The following GALNT18 variants were observed in gnomAD, a reference collection of about 807,000 sequenced individuals.
GALNT18 encodes the protein GalNAc-transferase 18.
In GALNT18, 44 loss-of-function variants were observed where a neutral mutation model predicts 69.5. That is an observed-to-expected ratio of 0.63 (90% confidence interval 0.50 to 0.81). GALNT18 has a LOEUF of 0.81. Ranked by LOEUF, GALNT18 falls within the 40% of genes least tolerant of loss-of-function variation. GALNT18 has a pLI of 0.00. For synonymous variants in GALNT18, 364 were observed against 318.2 expected (o/e 1.14, Z -1.53); for missense variants, 715 against 810.0 (o/e 0.88, Z 1.42).
chr11:11,381,950 G>A (rs187834326), intron 3 of GALNT18, among the ~76,000 whole-genome samples: 2 of 152,264 alleles, frequency 1.3e-5, no homozygotes, highest in Admixed American at 6.5e-5. Flanking sequence ...GTTCTGGTCC[G>A]GTGCTGGGGT....
intron 1 of GALNT18, among the ~76,000 whole-genome samples, chr11:11,594,640 T>G (rs1208435601): frequency 6.6e-6 from 1 of 152,136 alleles, no homozygotes; most frequent in Non-Finnish European, 1.5e-5. Flanking sequence ...TGCCAGTATT[T>G]TGTTCCTTTT....
In GALNT18 at chr11:11,538,685, C is replaced by T. The variant is rs903736746; in HGVS notation, c.235+82674G>A. Among the ~76,000 whole-genome samples the T allele has an allele frequency of 5.9e-5, 9 of 152,158 alleles. No individual in the cohort carries two copies. Among genetic ancestry groups the T allele is most frequent in the Middle Eastern group, 6.3e-3 (2 of 316 alleles). On this transcript the variant is annotated intron_variant, in intron 1 of 10. Coordinates refer to ENST00000227756, the MANE Select transcript of GALNT18 (RefSeq NM_198516.3). The surrounding 1 kb of genome is among the most constrained non-coding windows in gnomAD (Gnocchi z 5.2). ...AGGTGCCTCCCGGAGCTCTGGTTTCCCAGTCAGTAAATGGGGACCTTAACA... is the reference window on the plus strand; with the variant it reads ...AGGTGCCTCCCGGAGCTCTGGTTTCTCAGTCAGTAAATGGGGACCTTAACA...
At position 11,517,690 on chromosome 11, in the gene GALNT18, G is replaced by A. The variant is rs140482954; in HGVS notation, c.236-68754C>T. 5.3e-4 allele frequency among the ~76,000 whole-genome samples: 81 copies of A among 152,026 alleles called. 1 individual carries two copies. In the East Asian group the frequency reaches 9.5e-3, roughly 18 times the overall value. On this transcript the variant is annotated intron_variant, in intron 1 of 10. Transcript: ENST00000227756. ...CGAGACTAGCTACATAGATGAGGCCGCAGAAACAGGGCCCCTGCCACAGTG... is the reference window on the plus strand; with the variant it reads ...CGAGACTAGCTACATAGATGAGGCCACAGAAACAGGGCCCCTGCCACAGTG...
chr11:11,393,228 T>C lies in GALNT18; in HGVS notation c.596-13964A>G, dbSNP rs189973045. ...CCTTTCTTATCAGCCCTGGGGTTAC[T>C]GATGGGACTGGAAGGGATTGGTATT... On this transcript the variant is annotated intron_variant, in intron 3 of 10. Coordinates refer to ENST00000227756, the MANE Select transcript of GALNT18 (RefSeq NM_198516.3). Among the ~76,000 whole-genome samples, 32 of 152,300 alleles carry C rather than the reference T, an allele frequency of 2.1e-4. 1 individual carries two copies. The East Asian group carries it at 5.8e-3, about 28-fold the overall frequency.
At chr11:11,285,890 G>A (rs1849183140) in intron 10 of GALNT18, among the ~76,000 whole-genome samples, 2 of 152,194 alleles carry the variant, frequency 1.3e-5, no homozygotes, top group Non-Finnish European at 2.9e-5. Flanking sequence ...TATCAAATTA[G>A]ACCTCACAAA....
chr11:11,355,259 T>TA (rs1356390290), intron 6 of GALNT18, among the ~76,000 whole-genome samples: 5 of 152,220 alleles, frequency 3.3e-5, no homozygotes, highest in Non-Finnish European at 5.9e-5. Flanking sequence ...GAACAAAATA[T>TA]AAAAAATCCC....
At position 11,405,291 on chromosome 11, in the gene GALNT18, C is replaced by T. The variant is rs538269142; in HGVS notation, c.596-26027G>A. Among the ~76,000 whole-genome samples, 46 of 152,324 alleles carry T rather than the reference C, an allele frequency of 3.0e-4. 2 individuals are homozygous for T. Among genetic ancestry groups the T allele is most frequent in the Admixed American group, 5.2e-4 (8 of 15,302 alleles). On this transcript the variant is annotated intron_variant, in intron 3 of 10. Coordinates refer to ENST00000227756, the MANE Select transcript of GALNT18 (RefSeq NM_198516.3). ...GACTCATGAGAAAACCACGGCATCACTGTTAAAAATCATTTGGTTTTATTC... is the reference window on the plus strand; with the variant it reads ...GACTCATGAGAAAACCACGGCATCATTGTTAAAAATCATTTGGTTTTATTC...
chr11:11,342,353 G>A (rs1850223125), intron 6 of GALNT18, among the ~76,000 whole-genome samples: 1 of 152,200 alleles, frequency 6.6e-6, no homozygotes, highest in South Asian at 2.1e-4. Flanking sequence ...TCTCCTGGTG[G>A]ACAGTAGATA....
intron 6 of GALNT18, among the ~76,000 whole-genome samples, chr11:11,354,208 C>T (rs1310901341): frequency 2.0e-5 from 3 of 152,200 alleles, no homozygotes; most frequent in Non-Finnish European, 1.5e-5. Context: ...AGCAAACTCT[C>T]ATTTAATACA....
chr11:11,385,992 C>T (rs58506236), intron 3 of GALNT18, among the ~76,000 whole-genome samples: 16,853 of 152,000 alleles, frequency 0.11, 1,058 homozygotes, highest in Middle Eastern at 0.26. Flanking sequence ...TATCTCTAAG[C>T]CAAGGCCTGT....
chr11:11,610,424 G>A (rs1859866510), intron 1 of GALNT18, among the ~76,000 whole-genome samples: 1 of 152,164 alleles, frequency 6.6e-6, no homozygotes, highest in Non-Finnish European at 1.5e-5. Flanking sequence ...GTTAAGGTGA[G>A]GTGACAGGTG....
At chr11:11,545,664 G>T (rs191005915) in intron 1 of GALNT18, among the ~76,000 whole-genome samples, 1 of 152,186 alleles carries the variant, frequency 6.6e-6, no homozygotes, top group Non-Finnish European at 1.5e-5. Flanking sequence ...ACTAAAAAGC[G>T]TTTTCCCATC....
rs1007950389 is a variant in GALNT18, at chr11:11,430,540, G to A, written c.595+2081C>T. On this transcript the variant is annotated intron_variant, in intron 3 of 10. Coordinates refer to ENST00000227756, the MANE Select transcript of GALNT18 (RefSeq NM_198516.3). This position sits in a 1 kb window ranked among gnomAD's most constrained non-coding sequence, Gnocchi z 4.9. Reference sequence around the variant, plus strand: ...ACCACAATGCTCTAGAGCTTTGGTTGTGAAAGGTCTAGGGTGCTGCTCGTC... The same window carrying A: ...ACCACAATGCTCTAGAGCTTTGGTTATGAAAGGTCTAGGGTGCTGCTCGTC... Among the ~76,000 whole-genome samples the A allele has an allele frequency of 6.6e-6, 1 of 152,228 alleles. No individual in the cohort carries two copies. Among genetic ancestry groups the A allele is most frequent in the Non-Finnish European group, 1.5e-5 (1 of 68,030 alleles).
At chr11:11,487,885 G>A (rs1388581445) in intron 1 of GALNT18, among the ~76,000 whole-genome samples, 1 of 152,178 alleles carries the variant, frequency 6.6e-6, no homozygotes, top group Non-Finnish European at 1.5e-5. Context: ...AACACTGCCT[G>A]CCCCTAGTGC....
At chr11:11,593,986 C>T (rs1859426307) in intron 1 of GALNT18, among the ~76,000 whole-genome samples, 2 of 152,204 alleles carry the variant, frequency 1.3e-5, no homozygotes, top group Admixed American at 1.3e-4. Flanking sequence ...TTTTCTCTTG[C>T]TTCTCAGCTC....
intron 6 of GALNT18, among the ~76,000 whole-genome samples, chr11:11,369,948 C>T (rs924183934): frequency 6.6e-6 from 1 of 152,136 alleles, no homozygotes; most frequent in Non-Finnish European, 1.5e-5. Flanking sequence ...ACTTTTATCC[C>T]TAGATCACTG....
chr11:11,520,439 C>G (rs1411572649), intron 1 of GALNT18, among the ~76,000 whole-genome samples: 1 of 152,230 alleles, frequency 6.6e-6, no homozygotes, highest in East Asian at 1.9e-4. Context: ...GGGAAGCAGC[C>G]TGCTTCCCAT....
chr11:11,620,332 CG>C lies in GALNT18; in HGVS notation c.235+1026del, dbSNP rs1860160057. Among the ~76,000 whole-genome samples the C allele has an allele frequency of 1.1e-5, 1 of 88,432 alleles. No individual in the cohort carries two copies. The highest frequency in any genetic ancestry group is 1.1e-4 in the Admixed American group (1 of 8,842). 58.0% of individuals were successfully genotyped at this position (88,432 alleles called of 152,430 possible). On this transcript the variant is annotated intron_variant, in intron 1 of 10. Coordinates refer to ENST00000227756, the MANE Select transcript of GALNT18 (RefSeq NM_198516.3). The surrounding 1 kb of genome is among the most constrained non-coding windows in gnomAD (Gnocchi z 6.9). The stretch of plus-strand genomic sequence containing the variant: ...GTGGACGTGAGCGCGCGCGCGCGCG[CG>C]TGTGTGTGTGTGTGTGCACACCCGG...
chr11:11,344,115 C>T (rs1197134390), intron 6 of GALNT18, among the ~76,000 whole-genome samples: 1 of 152,226 alleles, frequency 6.6e-6, no homozygotes. Context: ...ACTGCCTCTC[C>T]TGCACCATGC....
Sources: gnomAD v4.1 joint callset for allele counts (sites outside exome capture counted in the v4.1 genomes callset) on GRCh38, gnomAD v4.1.1 for gene constraint, Gnocchi (gnomAD v3.1) non-coding constraint, MANE v1.5 for transcripts, NCBI Gene and HGNC (gene_info 2026-07-23, HGNC 2026-07-21) for gene names.